The following LHFPL6 variants were observed in gnomAD, a reference collection of about 807,000 sequenced individuals.
The protein encoded by LHFPL6 is LHFPL tetraspan subfamily member 6 protein.
LHFPL6 carries 9 observed loss-of-function variants against 20.6 expected under a neutral mutation model. The ratio of observed to expected loss-of-function variants is 0.44; its 90% confidence interval spans 0.26 to 0.76. LHFPL6 has a LOEUF of 0.76. Among genes scored for constraint, LHFPL6 ranks in the 30% least tolerant of loss-of-function variants. The pLI is 0.20. For synonymous variants in LHFPL6, 105 were observed against 98.7 expected (o/e 1.06, Z -0.38); for missense variants, 218 against 253.5 (o/e 0.86, Z 0.95).
At chr13:39,522,060 T>C (rs1870125325) in intron 2 of LHFPL6, among the ~76,000 whole-genome samples, 1 of 152,152 alleles carries the variant, frequency 6.6e-6, no homozygotes, top group African/African-American at 2.4e-5. Context: ...TAATCCACTA[T>C]GTGCACTACC....
intron 2 of LHFPL6, among the ~76,000 whole-genome samples, chr13:39,462,685 G>A (rs980311549): frequency 6.6e-6 from 1 of 152,108 alleles, no homozygotes; most frequent in Non-Finnish European, 1.5e-5. Context: ...TTACAGATAA[G>A]AAAACAAAGC....
chr13:39,561,663 C>T (rs1423734159), intron 2 of LHFPL6, among the ~76,000 whole-genome samples: 3 of 152,154 alleles, frequency 2.0e-5, no homozygotes, highest in East Asian at 3.9e-4. Context: ...TGCTATGATG[C>T]CCAGGCTGGT....
chr13:39,467,079 TG>T lies in LHFPL6; in HGVS notation c.386-88554del, dbSNP rs1460550396. ...ATTAGACAAGGAGCTACAGCAAATA[TG>T]ATTCCAATTCACAGAGAGAACCTCA... On this transcript the variant is annotated intron_variant, in intron 2 of 3. Transcript: ENST00000379589. 2.6e-5 allele frequency among the ~76,000 whole-genome samples: 4 copies of T among 152,338 alleles called. No individual in the cohort carries two copies. In the East Asian group the frequency reaches 7.7e-4, roughly 29 times the overall value.
intron 2 of LHFPL6, among the ~76,000 whole-genome samples, chr13:39,579,142 G>T (rs1872204694): frequency 6.6e-6 from 1 of 152,098 alleles, no homozygotes; most frequent in Non-Finnish European, 1.5e-5. Flanking sequence ...GAGCAGCCAA[G>T]GTATTTTGAG....
chr13:39,418,255 A>C (rs1171156113), intron 2 of LHFPL6, among the ~76,000 whole-genome samples: 1 of 152,152 alleles, frequency 6.6e-6, no homozygotes, highest in Non-Finnish European at 1.5e-5. Flanking sequence ...TGCTGCAGGG[A>C]TTTTTAAATA....
chr13:39,420,176 G>A (rs1253960168), intron 2 of LHFPL6, among the ~76,000 whole-genome samples: 27 of 152,148 alleles, frequency 1.8e-4, no homozygotes, highest in Admixed American at 1.8e-3. Context: ...CACACTCTCA[G>A]AAATAAGGCT....
chr13:39,580,336 C>T (rs9576869), intron 2 of LHFPL6, among the ~76,000 whole-genome samples: 110,761 of 151,882 alleles, frequency 0.73, 41,788 homozygotes, highest in Middle Eastern at 0.85. Context: ...ATCTGCATGG[C>T]ATCTCAAATT....
intron 2 of LHFPL6, among the ~76,000 whole-genome samples, chr13:39,389,041 CAG>C (rs1255496223): frequency 6.6e-6 from 1 of 152,190 alleles, no homozygotes; most frequent in African/African-American, 2.4e-5. Flanking sequence ...CGTGCATAGA[CAG>C]AGTTAGCTGG....
chr13:39,489,742 G>A (rs1167534566), intron 2 of LHFPL6, among the ~76,000 whole-genome samples: 1 of 151,892 alleles, frequency 6.6e-6, no homozygotes. Flanking sequence ...TAGTAGAGAC[G>A]ACGTGTTTCA....
At chr13:39,541,647 T>A (rs191195947) in intron 2 of LHFPL6, among the ~76,000 whole-genome samples, 162 of 152,334 alleles carry the variant, frequency 1.1e-3, no homozygotes, top group Middle Eastern at 6.8e-3. Flanking sequence ...CACACATCTG[T>A]TGGAGTATTT....
chr13:39,562,625 CACACATATATAT>C (rs1390414352), intron 2 of LHFPL6, among the ~76,000 whole-genome samples: 9 of 92,870 alleles, frequency 9.7e-5, no homozygotes, highest in African/African-American at 1.4e-4. Flanking sequence ...CACATATATA[CACACATATATAT>C]ACACATATAT....
rs1420214774 is a variant in LHFPL6 at position 39,599,990 on chromosome 13, G to A, written c.385+842C>T. 3.3e-5 allele frequency among the ~76,000 whole-genome samples: 5 copies of A among 152,318 alleles called. No individual in the cohort carries two copies. In the East Asian group the frequency reaches 9.7e-4, roughly 29 times the overall value. ...TTGTCATATTTCACCAGGGTGGACTGTAAATCAGACAAGTTCAGCCAGTCA... is the reference window on the plus strand; with the variant it reads ...TTGTCATATTTCACCAGGGTGGACTATAAATCAGACAAGTTCAGCCAGTCA... On this transcript the variant is annotated intron_variant, in intron 2 of 3. Coordinates refer to ENST00000379589, the MANE Select transcript of LHFPL6 (RefSeq NM_005780.3).
intron 2 of LHFPL6, among the ~76,000 whole-genome samples, chr13:39,490,166 T>C (rs1868871974): frequency 6.6e-6 from 1 of 152,168 alleles, no homozygotes; most frequent in Admixed American, 6.5e-5. Context: ...CTTCTTCCTC[T>C]TCACTGAGTG....
intron 2 of LHFPL6, among the ~76,000 whole-genome samples, chr13:39,548,564 A>T (rs1027108981): frequency 1.3e-5 from 2 of 151,618 alleles, no homozygotes; most frequent in African/African-American, 2.4e-5. Flanking sequence ...TTCTTGGTTT[A>T]AAAAAAAATC....
chr13:39,420,756 G>C (rs1178249760), intron 2 of LHFPL6, among the ~76,000 whole-genome samples: 1 of 152,188 alleles, frequency 6.6e-6, no homozygotes, highest in Non-Finnish European at 1.5e-5. Context: ...TGAGAGACAG[G>C]AAAAGAAGAC....
intron 2 of LHFPL6, among the ~76,000 whole-genome samples, chr13:39,465,730 A>G (rs1872787857): frequency 6.6e-6 from 1 of 152,204 alleles, no homozygotes; most frequent in Admixed American, 6.5e-5. Context: ...TTACAGGGGT[A>G]GAATTTCAGG....
chr13:39,389,800 TC>T (rs944614022), intron 2 of LHFPL6, among the ~76,000 whole-genome samples: 2 of 152,186 alleles, frequency 1.3e-5, no homozygotes, highest in Non-Finnish European at 2.9e-5. Context: ...TATACTAATA[TC>T]ATAAAATTAC....
At chr13:39,467,765 A>G (rs368532752) in intron 2 of LHFPL6, among the ~76,000 whole-genome samples, 16 of 152,340 alleles carry the variant, frequency 1.1e-4, no homozygotes, top group African/African-American at 3.4e-4. Context: ...ATTATTTACT[A>G]ATCATTGTCT....
Position 39,572,484 on chromosome 13 carries a change from A to G in LHFPL6, c.385+28348T>C, listed in dbSNP as rs190802418. Among the ~76,000 whole-genome samples, 3 of 152,344 alleles carry G rather than the reference A, an allele frequency of 2.0e-5. No individual in the cohort carries two copies. The East Asian group carries it at 5.8e-4, about 29-fold the overall frequency. ...TTCTCAATAAAGGGTATTATACAGT[A>G]CATCCATCTCCTATTACTCAAAAAC... is the stretch of plus-strand genomic sequence containing the variant. On this transcript the variant is annotated intron_variant, in intron 2 of 3. Coordinates refer to ENST00000379589, the MANE Select transcript of LHFPL6 (RefSeq NM_005780.3).
Sources: allele counts gnomAD v4.1 joint callset (sites outside exome capture counted in the v4.1 genomes callset), GRCh38; gene constraint gnomAD v4.1.1; transcripts MANE v1.5; gene names NCBI Gene and HGNC (gene_info 2026-07-23, HGNC 2026-07-21).